KIAA1549: variants seen among roughly 807,000 people sequenced by gnomAD.
KIAA1549 encodes UPF0606 protein KIAA1549.
KIAA1549 carries 70 observed loss-of-function variants against 156.4 expected under a neutral mutation model. That is an observed-to-expected ratio of 0.45 (90% confidence interval 0.37 to 0.55). The LOEUF (loss-of-function observed/expected upper bound fraction) is 0.55, where lower values mean the gene tolerates loss of function less well. Ranked by LOEUF, KIAA1549 falls within the 20% of genes least tolerant of loss-of-function variation. The pLI is 0.00. For synonymous variants in KIAA1549, 1,103 were observed against 1,066.4 expected, an observed-to-expected ratio of 1.03 and a Z score of -0.67; for missense variants, 2,428 against 2,540.9, an observed-to-expected ratio of 0.96 and a Z score of 0.96.
chr7:138,904,620 A>AC (rs1811954559), intron 7 of KIAA1549, among the ~76,000 whole-genome samples: 1 of 140,314 alleles, frequency 7.1e-6, no homozygotes, highest in Non-Finnish European at 1.5e-5. Context: ...CTCCCCTAAG[A>AC]CAAAAAAAAA....
At chr7:138,914,126 AAAGCAGGAAGAACACATTGT>A (rs1045620168) in intron 2 of KIAA1549, among the ~76,000 whole-genome samples, 1 of 152,162 alleles carries the variant, frequency 6.6e-6, no homozygotes, top group African/African-American at 2.4e-5. Context: ...CCTAAATAGG[AAAGCAGGAAGAACACATTGT>A]AAGCAGCCCC....
rs145077214 is a variant in KIAA1549 at position 138,834,519 on chromosome 7, G to A, written c.*3387C>T. ...TATCTTCCATCTTCTATACCCACTC[G>A]TGCTATCTTAGATTCTAAAATCTCA... On this transcript the variant is annotated 3_prime_UTR_variant, in exon 20 of 20. Coordinates refer to ENST00000422774, the MANE Select transcript of KIAA1549 (RefSeq NM_001164665.2). The A allele has an allele frequency of 6.9e-4, 157 of 226,470 alleles. 1 individual carries two copies. The highest frequency in any genetic ancestry group is 3.4e-3 in the African/African-American group (154 of 45,064). The allele number at this position is 226,470 out of a possible 1,614,324, so 14.0% of individuals were successfully genotyped here.
At position 138,944,746 on chromosome 7, in the gene KIAA1549, A is replaced by C. The variant is rs970535355; in HGVS notation, c.188-25308T>G. ...ATGGAAGACCACTGCATAGTTCAAC[A>C]CAGATGAACCTTGAAAACATTATGC... On this transcript the variant is annotated intron_variant, in intron 1 of 19. Coordinates refer to ENST00000422774, the MANE Select transcript of KIAA1549 (RefSeq NM_001164665.2). Among the ~76,000 whole-genome samples, 12 of 152,246 alleles carry C rather than the reference A, an allele frequency of 7.9e-5. 1 individual carries two copies. The highest frequency in any genetic ancestry group is 6.5e-4 in the Admixed American group (10 of 15,290).
chr7:138,969,083 ACCAT>A (rs1283433726), intron 1 of KIAA1549, among the ~76,000 whole-genome samples: 1 of 152,118 alleles, frequency 6.6e-6, no homozygotes, highest in East Asian at 1.9e-4. Flanking sequence ...CCTTCCTCCC[ACCAT>A]CCAACTCAAG....
chr7:138,905,479 G>A (rs150471323), intron 6 of KIAA1549, among the ~76,000 whole-genome samples: 36 of 152,290 alleles, frequency 2.4e-4, no homozygotes, highest in African/African-American at 7.5e-4. Context: ...CCCGCCGTCC[G>A]GCATCCTCAT....
chr7:138,957,710 G>A (rs190665380), intron 1 of KIAA1549, among the ~76,000 whole-genome samples: 81 of 152,004 alleles, frequency 5.3e-4, no homozygotes, highest in African/African-American at 1.7e-3. Flanking sequence ...ACTCCTGACC[G>A]CAGCTGATCC....
intron 1 of KIAA1549, among the ~76,000 whole-genome samples, chr7:138,972,957 G>C (rs1034197748): frequency 1.3e-5 from 2 of 152,072 alleles, no homozygotes; most frequent in East Asian, 3.9e-4. Flanking sequence ...GAATAGCTAG[G>C]ATTGCAGGCA....
intron 1 of KIAA1549, among the ~76,000 whole-genome samples, chr7:138,956,735 C>A (rs1196682252): frequency 6.6e-6 from 1 of 152,196 alleles, no homozygotes; most frequent in Non-Finnish European, 1.5e-5. Context: ...TCTTTATCAG[C>A]ACTGTGAAAA....
chr7:138,850,355 T>C (rs2130346400), intron 17 of KIAA1549, among the ~76,000 whole-genome samples: 1 of 152,314 alleles, frequency 6.6e-6, no homozygotes, highest in South Asian at 2.1e-4. Flanking sequence ...CTCACCAGCA[T>C]CTGTTATTTT....
At chr7:138,908,845 C>T (rs1479760795) in intron 5 of KIAA1549, 146 bp downstream of exon 5, 9 of 925,910 alleles carry the variant, frequency 9.7e-6, no homozygotes, top group South Asian at 1.8e-5. Flanking sequence ...GCCGACCTTA[C>T]GCCACAGGAA....
chr7:138,912,277 T>G lies in KIAA1549; in HGVS notation c.2967+95A>C, dbSNP rs933490336. ...ACAAGAGGGAAGAGATGAAATAGAA[T>G]GATTCCATGGCCATAATCACCTGCC... On this transcript the variant is annotated intron_variant, in intron 3 of 19. Coordinates refer to ENST00000422774, the MANE Select transcript of KIAA1549 (RefSeq NM_001164665.2). 5.2e-5 allele frequency: 44 copies of G among 849,938 alleles called. 1 individual carries two copies. The highest frequency in any genetic ancestry group is 7.6e-5 in the Non-Finnish European group (38 of 499,640). 52.6% of individuals were successfully genotyped at this position (849,938 alleles called of 1,614,324 possible). A position where few individuals can be genotyped will look rare whatever the true frequency, so the allele number is the denominator to read the frequency against.
chr7:138,932,954 G>C (rs1214253026), intron 1 of KIAA1549, among the ~76,000 whole-genome samples: 3 of 152,192 alleles, frequency 2.0e-5, no homozygotes, highest in Non-Finnish European at 4.4e-5. Context: ...GGAGAAGCCA[G>C]GGAGACATGG....
chr7:138,934,334 CTT>C (rs1812949428), intron 1 of KIAA1549, among the ~76,000 whole-genome samples: 1 of 149,842 alleles, frequency 6.7e-6, no homozygotes, highest in Admixed American at 6.7e-5. Context: ...GACCAGGAAA[CTT>C]TACAGATTTA....
intron 9 of KIAA1549, among the ~76,000 whole-genome samples, chr7:138,898,305 C>CAAAA (rs575419720): frequency 8.4e-5 from 4 of 47,612 alleles, no homozygotes; most frequent in Admixed American, 4.5e-4. Flanking sequence ...GACTCCATCT[C>CAAAA]AAAAAAAAAA....
chr7:138,872,360 GAA>G (rs35756099), intron 12 of KIAA1549, among the ~76,000 whole-genome samples: 1 of 104,098 alleles, frequency 9.6e-6, no homozygotes. Flanking sequence ...TCAGAACTGT[GAA>G]AAAAAAAAAA....
At chr7:138,931,498 T>TC (rs1563082979) in intron 1 of KIAA1549, among the ~76,000 whole-genome samples, 1 of 152,154 alleles carries the variant, frequency 6.6e-6, no homozygotes, top group African/African-American at 2.4e-5. Context: ...ACGCCTGTAA[T>TC]CCCAGCACTT....
chr7:138,871,850 G>A (rs1229337079), intron 12 of KIAA1549, among the ~76,000 whole-genome samples: 1 of 152,238 alleles, frequency 6.6e-6, no homozygotes, highest in Non-Finnish European at 1.5e-5. Flanking sequence ...ACCAGTACGT[G>A]CAGGCAGGTA....
At chr7:138,853,003 T>C (rs540581147) in intron 16 of KIAA1549, among the ~76,000 whole-genome samples, 1 of 152,350 alleles carries the variant, frequency 6.6e-6, no homozygotes, top group East Asian at 1.9e-4. Flanking sequence ...GAAACATACA[T>C]CTAAGAGATC....
At position 138,883,089 on chromosome 7, in the gene KIAA1549, T is replaced by TAAAAAAA. The variant is rs1201752539; in HGVS notation, c.4033-1512_4033-1506dup. On this transcript the variant is annotated intron_variant, in intron 10 of 19. Transcript: ENST00000422774. ...CAACATGGTGAAACCCCATCTCCCC[T>TAAAAAAA]AAAAAAAAAAAAAAAAAAAAAAAAA... Among the ~76,000 whole-genome samples, 378 of 47,070 alleles carry TAAAAAAA rather than the reference T, an allele frequency of 8.0e-3. 160 individuals are homozygous for TAAAAAAA. Among genetic ancestry groups the TAAAAAAA allele is most frequent in the African/African-American group, 0.027 (310 of 11,556 alleles). The allele number at this position is 47,070 out of a possible 152,430, so 30.9% of individuals were successfully genotyped here.
Sources: allele counts gnomAD v4.1 joint callset (sites outside exome capture counted in the v4.1 genomes callset), GRCh38; gene constraint gnomAD v4.1.1; transcripts MANE v1.5; gene names NCBI Gene and HGNC (gene_info 2026-07-23, HGNC 2026-07-21).